HDAC4: variants seen among roughly 807,000 people sequenced by gnomAD.
HDAC4 encodes the protein histone deacetylase 4.
In HDAC4, 16 loss-of-function variants were observed where a neutral mutation model predicts 135.1. The observed-to-expected ratio is 0.12, with a 90% CI of 0.08 to 0.18. The LOEUF (loss-of-function observed/expected upper bound fraction) is 0.18, where lower values mean the gene tolerates loss of function less well. Ranked by LOEUF, HDAC4 falls within the 10% of genes least tolerant of loss-of-function variation. The probability of loss-of-function intolerance (pLI) is 1.00; values close to 1 mark genes in which losing one functional copy is unlikely to be tolerated. For missense variants in HDAC4, 1,143 were observed against 1,511.8 expected (o/e 0.76, Z 4.05); for synonymous variants, 685 against 653.4 (o/e 1.05, Z -0.74).
intron 7 of HDAC4, among the ~76,000 whole-genome samples, chr2:239,149,218 A>G (rs1041263855): frequency 6.6e-6 from 1 of 152,018 alleles, no homozygotes; most frequent in Admixed American, 6.6e-5. Flanking sequence ...CGTGGCCAAC[A>G]TGGTGAAACC....
In HDAC4 at chr2:239,308,468, C is replaced by A. The variant is rs549404839; in HGVS notation, c.22+44210G>T. On this transcript the variant is annotated intron_variant, in intron 2 of 26. Transcript: ENST00000543185. This position sits in a 1 kb window ranked among gnomAD's most constrained non-coding sequence, Gnocchi z 4.2. ...TCTTCTTAGCAAAGTGAGGAATCTG[C>A]AGATCTCTCTGAAAGATCAGCTACC... 1.6e-4 allele frequency among the ~76,000 whole-genome samples: 24 copies of A among 152,292 alleles called. No homozygotes were observed. Among genetic ancestry groups the A allele is most frequent in the African/African-American group, 5.5e-4 (23 of 41,560 alleles).
chr2:239,338,097 G>A (rs1186930514), intron 2 of HDAC4, among the ~76,000 whole-genome samples: 1 of 152,172 alleles, frequency 6.6e-6, no homozygotes, highest in Non-Finnish European at 1.5e-5. Flanking sequence ...AGGCTGCTCA[G>A]AGAGCACAGG....
At chr2:239,135,734 G>A (rs2040907757) in intron 9 of HDAC4, among the ~76,000 whole-genome samples, 4 of 152,236 alleles carry the variant, frequency 2.6e-5, no homozygotes, top group African/African-American at 7.2e-5. Flanking sequence ...CAGCAGGCAT[G>A]GCAGAGCTAT....
At chr2:239,273,774 T>C (rs10174339) in intron 2 of HDAC4, among the ~76,000 whole-genome samples, 4,804 of 152,088 alleles carry the variant, frequency 0.032, 281 homozygotes, top group African/African-American at 0.11. Flanking sequence ...CCCCAACAAA[T>C]AGACTGGAGA....
chr2:239,381,608 G>A (rs1695421100), intron 1 of HDAC4, among the ~76,000 whole-genome samples: 1 of 152,068 alleles, frequency 6.6e-6, no homozygotes, highest in African/African-American at 2.4e-5. Context: ...ATCCATACTG[G>A]GCAAATGCGG....
intron 1 of HDAC4, among the ~76,000 whole-genome samples, chr2:239,387,730 C>T (rs11124196): frequency 0.49 from 74,798 of 152,028 alleles, 19,198 homozygotes; most frequent in East Asian, 0.83. Flanking sequence ...GCAGCTGGAA[C>T]GTGGCTCCAC....
chr2:239,260,251 T>C (rs1477158031), intron 2 of HDAC4, among the ~76,000 whole-genome samples: 2 of 152,192 alleles, frequency 1.3e-5, no homozygotes, highest in African/African-American at 4.8e-5. Flanking sequence ...TGCAAAAGCA[T>C]CGCATGGTGG....
At chr2:239,204,944 G>A (rs2045956952) in intron 3 of HDAC4, among the ~76,000 whole-genome samples, 1 of 152,164 alleles carries the variant, frequency 6.6e-6, no homozygotes, top group Non-Finnish European at 1.5e-5. Flanking sequence ...AATGTCACAG[G>A]GAAGGTGTCT....
intron 3 of HDAC4, among the ~76,000 whole-genome samples, chr2:239,210,822 G>A (rs2046322437): frequency 1.3e-5 from 2 of 152,156 alleles, no homozygotes; most frequent in African/African-American, 2.4e-5. Flanking sequence ...CCTGGAACGC[G>A]GCTGAGACCA....
chr2:239,362,698 G>T (rs539322350), intron 1 of HDAC4, among the ~76,000 whole-genome samples: 3 of 152,138 alleles, frequency 2.0e-5, no homozygotes, highest in Non-Finnish European at 4.4e-5. Flanking sequence ...AGTCCAGAAC[G>T]CCAAATACAC....
chr2:239,086,999 G>A (rs1431651316), intron 19 of HDAC4, among the ~76,000 whole-genome samples: 1 of 152,126 alleles, frequency 6.6e-6, no homozygotes, highest in African/African-American at 2.4e-5. Context: ...CCTGCCACTG[G>A]CTCTGGACAC....
intron 3 of HDAC4, among the ~76,000 whole-genome samples, chr2:239,234,956 A>G (rs1015458): frequency 0.19 from 28,388 of 152,144 alleles, 4,024 homozygotes; most frequent in East Asian, 0.38. Context: ...AAAATGCCCC[A>G]GCCACAGAAT....
intron 2 of HDAC4, among the ~76,000 whole-genome samples, chr2:239,333,300 A>G (rs1377424116): frequency 6.6e-6 from 1 of 152,186 alleles, no homozygotes; most frequent in African/African-American, 2.4e-5. Context: ...AAAAGGGAAA[A>G]AAACGTGCAA....
At chr2:239,199,411 G>A (rs530838253) in intron 3 of HDAC4, among the ~76,000 whole-genome samples, 3 of 152,300 alleles carry the variant, frequency 2.0e-5, no homozygotes, top group African/African-American at 7.2e-5. Flanking sequence ...GTGTTAGCAG[G>A]ACCATTTCTA....
At chr2:239,089,042 C>T (rs572605640) in intron 18 of HDAC4, among the ~76,000 whole-genome samples, 38 of 152,222 alleles carry the variant, frequency 2.5e-4, no homozygotes, top group African/African-American at 8.7e-4. Context: ...TTAAACAAAA[C>T]GGAGGGGGAG....
At chr2:239,287,522 G>A (rs113383567) in intron 2 of HDAC4, among the ~76,000 whole-genome samples, 1 of 152,186 alleles carries the variant, frequency 6.6e-6, no homozygotes, top group African/African-American at 2.4e-5. Context: ...AAAACTTGTT[G>A]TATGCACCCA....
intron 3 of HDAC4, among the ~76,000 whole-genome samples, chr2:239,195,834 A>C (rs539561086): frequency 7.9e-5 from 12 of 152,334 alleles, no homozygotes; most frequent in Admixed American, 2.6e-4. Flanking sequence ...CCAATGGGAG[A>C]CGGTCAGTGT....
chr2:239,182,343 G>A lies in HDAC4; in HGVS notation c.340-5780C>T, dbSNP rs75240539. Among the ~76,000 whole-genome samples the A allele has an allele frequency of 1.2e-3, 181 of 152,330 alleles. 4 individuals are homozygous for A. The East Asian group carries it at 0.029, about 24-fold the overall frequency. On this transcript the variant is annotated intron_variant, in intron 4 of 26. Transcript: ENST00000543185. ...CCGCTGCTCAGAGCTCACTCAGGGC[G>A]GAAACGCAGAGCGGACAGATGCAGC...
At chr2:239,063,261 C>T (rs964407681) in intron 24 of HDAC4, among the ~76,000 whole-genome samples, 7 of 151,748 alleles carry the variant, frequency 4.6e-5, no homozygotes, top group South Asian at 2.1e-4. Context: ...AGTGTGGTGG[C>T]GCGATCTCGG....
Sources: gnomAD v4.1 joint callset for allele counts (sites outside exome capture counted in the v4.1 genomes callset) on GRCh38, gnomAD v4.1.1 for gene constraint, Gnocchi (gnomAD v3.1) non-coding constraint, MANE v1.5 for transcripts, NCBI Gene and HGNC (gene_info 2026-07-23, HGNC 2026-07-21) for gene names.